Variants in PRR36 observed in about 807,000 individuals in gnomAD.
The protein encoded by PRR36 is proline rich 36, also known as proline-rich protein 36.
Under a neutral mutation model 58.6 loss-of-function variants are expected in PRR36, and 30 were observed. The ratio of observed to expected loss-of-function variants is 0.51; its 90% CI spans 0.38 to 0.69. PRR36 has a LOEUF of 0.69. Ranked by LOEUF, PRR36 falls within the 30% of genes least tolerant of loss-of-function variation. The pLI is 0.00. For synonymous variants in PRR36, 771 were observed against 829.3 expected, an observed-to-expected ratio of 0.93 and a Z score of 1.21; for missense variants, 1,692 against 1,805.6, an observed-to-expected ratio of 0.94 and a Z score of 1.14.
In PRR36 at chr19:7,870,737, AAAG is replaced by A; in HGVS notation, c.2504_2506del (p.Pro835del). 8.8e-7 allele frequency: 1 copy of A among 1,134,386 alleles called. No individual in the cohort carries two copies. The highest frequency in any genetic ancestry group is 2.4e-4 in the Middle Eastern group (1 of 4,224). 70.3% of individuals were successfully genotyped at this position (1,134,386 alleles called of 1,614,324 possible). ...TGGGGCCTGTGGAGGGGGCGTGGCC[AAAG>A]GAGACAGAGGGGGAGAGGGCAGGCC... On this transcript the variant is annotated inframe_deletion, in exon 5 of 6. Coordinates refer to ENST00000618550, the MANE Select transcript of PRR36 (RefSeq NM_001190467.2).
Position 7,873,692 on chromosome 19 carries a change from T to A in PRR36, c.-3A>T, listed in dbSNP as rs920268827. 2 of 1,534,688 alleles carry A rather than the reference T, an allele frequency of 1.3e-6. No homozygotes were observed. The highest frequency in any genetic ancestry group is 1.4e-5 in the African/African-American group (1 of 72,978). On this transcript the variant is annotated 5_prime_UTR_variant, in exon 2 of 6. Coordinates refer to ENST00000618550, the MANE Select transcript of PRR36 (RefSeq NM_001190467.2). This position sits in a 1 kb window ranked among gnomAD's most constrained non-coding sequence, Gnocchi z 5.0. The stretch of plus-strand genomic sequence containing the variant: ...GCCTTGTCTCTCTTGTTGTCCATCT[T>A]GCACCTGAAGAGACAAACCGGTCCG...
In PRR36 at chr19:7,870,364, TGG is replaced by T; in HGVS notation, c.2878_2879del (p.Pro960ThrfsTer45). The T allele has an allele frequency of 3.2e-6, 1 of 307,724 alleles. No homozygotes were observed. Among genetic ancestry groups the T allele is most frequent in the East Asian group, 9.4e-5 (1 of 10,684 alleles). 19.1% of individuals were successfully genotyped at this position (307,724 alleles called of 1,614,324 possible). A position where few individuals can be genotyped will look rare whatever the true frequency, so the allele number is the denominator to read the frequency against. Reference sequence around the variant, plus strand: ...TTGGGGGAGAGGCAGGGGGAGAGGGTGGGACCTGCAGAGGAGGCGCAGCGAGA... The same window carrying T: ...TTGGGGGAGAGGCAGGGGGAGAGGGTGACCTGCAGAGGAGGCGCAGCGAGA... ...PPLAAPPLQV[P>X]PSPPASPPMS... is the part of the protein sequence containing the mutation. On this transcript the variant is annotated frameshift_variant, in exon 5 of 6. Transcript: ENST00000618550. LOFTEE classifies it high-confidence loss of function.
chr19:7,869,350 C>A lies in PRR36; in HGVS notation c.3724G>T (p.Ala1242Ser). Residue 1242 changes from alanine to serine, a missense_variant, in exon 6 of 6, where the codon GCG becomes TCG. Around this residue, in one of 5 missense-constraint regions of PRR36, gnomAD observed 485 missense variants for 549.2 expected, o/e 0.88. Transcript: ENST00000618550. ...CCCAGTGGCAGCTCGCCCAGGCGCG[C>A]CTGCTTCGGGCTCCGCGAGGACGCC... is the stretch of plus-strand genomic sequence containing the variant. ...AGASSRSPKQ[A>S]RLGELPLGAL... is the part of the protein sequence containing the mutation. 1 of 1,429,550 alleles carries A rather than the reference C, an allele frequency of 7.0e-7. No individual in the cohort carries two copies. The highest frequency in any genetic ancestry group is 1.5e-5 in the African/African-American group (1 of 66,574). The allele number at this position is 1,429,550 out of a possible 1,614,324, so 88.6% of individuals were successfully genotyped here.
At position 7,869,418 on chromosome 19, in the gene PRR36, G is replaced by A. The variant is rs910727084; in HGVS notation, c.3656C>T (p.Pro1219Leu). 25 of 1,496,986 alleles carry A rather than the reference G, an allele frequency of 1.7e-5. No individual in the cohort carries two copies. In the Middle Eastern group the frequency reaches 6.4e-4, roughly 38 times the overall value. 92.7% of individuals were successfully genotyped at this position (1,496,986 alleles called of 1,614,324 possible). A position where few individuals can be genotyped will look rare whatever the true frequency, so the allele number is the denominator to read the frequency against. Residue 1219 changes from proline to leucine, a missense_variant, in exon 6 of 6, where the codon CCC becomes CTC. Pro to Leu is a moderately conservative substitution (Grantham distance 98). Around this residue, in one of 5 missense-constraint regions of PRR36, gnomAD observed 485 missense variants for 549.2 expected, o/e 0.88. Coordinates refer to ENST00000618550, the MANE Select transcript of PRR36 (RefSeq NM_001190467.2). ...CGCCGCCTTCCCACCGCTCGTGCCGGGACTGGGCCCCGGATCCAGTGCGCC... is the reference window on the plus strand; with the variant it reads ...CGCCGCCTTCCCACCGCTCGTGCCGAGACTGGGCCCCGGATCCAGTGCGCC... ...APGALDPGPS[P>L]GTSGGKAAAG...
chr19:7,871,445 T>G lies in PRR36; in HGVS notation c.1799A>C (p.Gln600Pro). ...CAAAGCCAGAGGAGAGGGAGGTGCC[T>G]GCAGAGACGGTGAGGTCAGAGAATG... is the stretch of plus-strand genomic sequence containing the variant. ...VPHSLTSPSL[Q>P]APPSPLALSS... The change falls in exon 5 of 6, where the codon CAG becomes CCG. Residue 600 changes from glutamine to proline, a missense_variant. Gln to Pro is a moderately conservative substitution (Grantham distance 76). Transcript: ENST00000618550. 6.5e-7 allele frequency: 1 copy of G among 1,533,588 alleles called. No individual in the cohort carries two copies. The highest frequency in any genetic ancestry group is 8.7e-7 in the Non-Finnish European group (1 of 1,146,456). The allele number at this position is 1,533,588 out of a possible 1,614,324, so 95.0% of individuals were successfully genotyped here.
chr19:7,873,749 C>T lies in PRR36; in HGVS notation c.-7-53G>A. 6.7e-7 allele frequency: 1 copy of T among 1,494,336 alleles called. No homozygotes were observed. The highest frequency in any genetic ancestry group is 1.2e-5 in the South Asian group (1 of 80,120). The allele number at this position is 1,494,336 out of a possible 1,614,324, so 92.6% of individuals were successfully genotyped here. A position where few individuals can be genotyped will look rare whatever the true frequency, so the allele number is the denominator to read the frequency against. On this transcript the variant is annotated intron_variant, in intron 1 of 5. Transcript: ENST00000618550. This position sits in a 1 kb window ranked among gnomAD's most constrained non-coding sequence, Gnocchi z 5.0. The stretch of plus-strand genomic sequence containing the variant: ...AGGTTCTGGACAGCTACGCCGCCTC[C>T]AGAGACCTGGACCCTGCTACCTCAC...
At position 7,873,820 on chromosome 19, in the gene PRR36, TCGG is replaced by T; in HGVS notation, c.-7-127_-7-125del. On this transcript the variant is annotated intron_variant, in intron 1 of 5. Transcript: ENST00000618550. This position sits in a 1 kb window ranked among gnomAD's most constrained non-coding sequence, Gnocchi z 5.0. Reference sequence around the variant, plus strand: ...ACCCATGGACACTCAAACCTCGGCCTCGGCTTCCATCCGCTCGGCTCCCACGCA... The same window carrying T: ...ACCCATGGACACTCAAACCTCGGCCTCTTCCATCCGCTCGGCTCCCACGCA... 4.2e-6 allele frequency: 4 copies of T among 957,918 alleles called. No individual in the cohort carries two copies. The highest frequency in any genetic ancestry group is 6.0e-6 in the Non-Finnish European group (4 of 662,756). 59.3% of individuals were successfully genotyped at this position (957,918 alleles called of 1,614,324 possible). A position where few individuals can be genotyped will look rare whatever the true frequency, so the allele number is the denominator to read the frequency against.
rs1980528244 is a variant in PRR36 at position 7,872,813 on chromosome 19, C to T, written c.487+36G>A. The stretch of plus-strand genomic sequence containing the variant: ...GATACCTCTGAGGCGGCTCCCCTTG[C>T]TGCCCAGGAACCCCACTCTTCTCCA... On this transcript the variant is annotated intron_variant, in intron 4 of 5. Transcript: ENST00000618550. The surrounding 1 kb of genome is among the most constrained non-coding windows in gnomAD (Gnocchi z 6.1). The T allele has an allele frequency of 1.3e-6, 2 of 1,530,314 alleles. No individual in the cohort carries two copies. Among genetic ancestry groups the T allele is most frequent in the East Asian group, 4.9e-5 (2 of 40,818 alleles). 94.8% of individuals were successfully genotyped at this position (1,530,314 alleles called of 1,614,324 possible).
chr19:7,871,284 G>T lies in PRR36; in HGVS notation c.1960C>A (p.Pro654Thr), dbSNP rs1454162540. Reference protein sequence around the residue: ...SRPASTPPDSPPLQAPLSLPA... With the variant: ...SRPASTPPDSTPLQAPLSLPA... ...AGGGAAAGAGGGGCCTGCAGAGGGG[G>T]TGAATCAGGGGGAGTAGAGGCCGGC... is the stretch of plus-strand genomic sequence containing the variant. The change falls in exon 5 of 6, where the codon CCC becomes ACC. Residue 654 changes from proline (P) to threonine (T), a missense_variant. Physicochemically the swap from Pro to Thr is conservative, Grantham distance 38. Transcript: ENST00000618550. 3.3e-6 allele frequency: 5 copies of T among 1,532,308 alleles called. No individual in the cohort carries two copies. The highest frequency in any genetic ancestry group is 4.4e-6 in the Non-Finnish European group (5 of 1,145,688). 94.9% of individuals were successfully genotyped at this position (1,532,308 alleles called of 1,614,324 possible).
Position 7,870,622 on chromosome 19 carries a change from G to T in PRR36, c.2622C>A (p.Ala874=). The T allele has an allele frequency of 7.4e-7, 1 of 1,353,272 alleles. No homozygotes were observed. The allele number at this position is 1,353,272 out of a possible 1,614,324, so 83.8% of individuals were successfully genotyped here. A position where few individuals can be genotyped will look rare whatever the true frequency, so the allele number is the denominator to read the frequency against. The change falls in exon 5 of 6, where the codon GCC becomes GCA. Residue 874 remains alanine (A), a synonymous_variant. Coordinates refer to ENST00000618550, the MANE Select transcript of PRR36 (RefSeq NM_001190467.2). ...GAAGGTGCACTGCCAGAGCATTTGG[G>T]GCCTGTGGAGAGGGTGTGGCCAAAG... The part of the protein sequence containing the change: ...LSPLATPSPQ[A]PNALAVHLLQ...
At position 7,869,926 on chromosome 19, in the gene PRR36, G is replaced by GGGC. The variant is rs1568250850; in HGVS notation, c.3315_3317dup (p.Pro1106dup). The GGGC allele has an allele frequency of 2.2e-6, 3 of 1,367,032 alleles. No individual in the cohort carries two copies. The highest frequency in any genetic ancestry group is 3.1e-5 in the East Asian group (1 of 32,718). 84.7% of individuals were successfully genotyped at this position (1,367,032 alleles called of 1,614,324 possible). On this transcript the variant is annotated inframe_insertion, in exon 5 of 6. Transcript: ENST00000618550. ...TCAGCGTGCTGGACGGGCTGCGCGA[G>GGGC]GGCGGCGGCGGCGGGCCGGGGGCCA...
In PRR36 at chr19:7,871,140, G is replaced by C; in HGVS notation, c.2104C>G (p.Pro702Ala). Residue 702 changes from proline to alanine, a missense_variant, in exon 5 of 6, where the codon CCT becomes GCT. This residue lies in a region of PRR36 where 975 missense variants were observed against 955.2 expected (regional missense o/e 1.02). Transcript: ENST00000618550. Reference sequence around the variant, plus strand: ...GGGGGCATGATCAGGGAAGAGAGAGGTGCCTGAGGAGAGTGGGAGGCCAGA... The same window carrying C: ...GGGGGCATGATCAGGGAAGAGAGAGCTGCCTGAGGAGAGTGGGAGGCCAGA... ...SSLASHSPQA[P>A]LSSLIMPPLE... The C allele has an allele frequency of 6.5e-7, 1 of 1,535,628 alleles. No homozygotes were observed. The highest frequency in any genetic ancestry group is 8.7e-7 in the Non-Finnish European group (1 of 1,146,726).
chr19:7,869,092 C>G lies in PRR36; in HGVS notation c.3982G>C (p.Asp1328His). The G allele has an allele frequency of 2.6e-6, 4 of 1,534,848 alleles. No homozygotes were observed. Among genetic ancestry groups the G allele is most frequent in the Non-Finnish European group, 3.5e-6 (4 of 1,146,476 alleles). The part of the protein sequence containing the change: ...SITSVTSFSP[D>H]DVASPQGDWT... ...TCACCCTGCGGGGAGGCCACGTCGT[C>G]CGGAGAGAAGCTGGTGACCGAGGTG... The change falls in exon 6 of 6, where the codon GAC becomes CAC. Residue 1328 changes from aspartate to histidine, a missense_variant. Asp to His is a moderately conservative substitution (Grantham distance 81, BLOSUM62 -1). This residue lies in a region of PRR36 where 485 missense variants were observed against 549.2 expected (regional missense o/e 0.88). Coordinates refer to ENST00000618550, the MANE Select transcript of PRR36 (RefSeq NM_001190467.2).
At position 7,872,283 on chromosome 19, in the gene PRR36, C is replaced by T; in HGVS notation, c.961G>A (p.Asp321Asn). 1 of 1,455,494 alleles carries T rather than the reference C, an allele frequency of 6.9e-7. No individual in the cohort carries two copies. The highest frequency in any genetic ancestry group is 9.0e-7 in the Non-Finnish European group (1 of 1,110,394). 90.2% of individuals were successfully genotyped at this position (1,455,494 alleles called of 1,614,324 possible). A position where few individuals can be genotyped will look rare whatever the true frequency, so the allele number is the denominator to read the frequency against. Residue 321 changes from aspartate (D) to asparagine (N), a missense_variant, in exon 5 of 6, where the codon GAC becomes AAC. Asp to Asn is a conservative substitution (Grantham distance 23). This residue lies in a region of PRR36 where 975 missense variants were observed against 955.2 expected (regional missense o/e 1.02). Transcript: ENST00000618550. The surrounding 1 kb of genome is among the most constrained non-coding windows in gnomAD (Gnocchi z 6.1). The part of the protein sequence containing the change: ...GTKARPVPPP[D>N]NAATPLPATL... ...GCTGGCAGGGGAGTGGCTGCATTGT[C>T]GGGAGGCGGTACGGGTCTTGCCTTG... is the stretch of plus-strand genomic sequence containing the variant.
chr19:7,870,141 A>T lies in PRR36; in HGVS notation c.3103T>A (p.Phe1035Ile), dbSNP rs1251349659. The stretch of plus-strand genomic sequence containing the variant: ...ATTGGGAGTGAGGCAGAGGGTGAGA[A>T]AGGGGCCTGCCCAGGGAATGAGGCA... ...PPASFPGQAP[F>I]SPSASLPMSP... The change falls in exon 5 of 6, where the codon TTC becomes ATC. Residue 1035 changes from phenylalanine to isoleucine, a missense_variant. Coordinates refer to ENST00000618550, the MANE Select transcript of PRR36 (RefSeq NM_001190467.2). 2 of 1,378,862 alleles carry T rather than the reference A, an allele frequency of 1.5e-6. No individual in the cohort carries two copies. Among genetic ancestry groups the T allele is most frequent in the African/African-American group, 3.5e-5 (2 of 57,400 alleles). 85.4% of individuals were successfully genotyped at this position (1,378,862 alleles called of 1,614,324 possible). A position where few individuals can be genotyped will look rare whatever the true frequency, so the allele number is the denominator to read the frequency against.
At position 7,870,766 on chromosome 19, in the gene PRR36, C is replaced by T. The variant is rs1032871780; in HGVS notation, c.2478G>A (p.Gln826=). ...GAGACAGAGGGGGAGAGGGCAGGCC[C>T]TGCAAAGGGGGTGAGGCCAGAGCAG... The part of the protein sequence containing the change: ...APPALASPPL[Q]GLPSPPLSPL... The change falls in exon 5 of 6, where the codon CAG becomes CAA. Residue 826 remains glutamine (Q), a synonymous_variant. Coordinates refer to ENST00000618550, the MANE Select transcript of PRR36 (RefSeq NM_001190467.2). The T allele has an allele frequency of 2.9e-6, 4 of 1,394,960 alleles. No individual in the cohort carries two copies. In the African/African-American group the frequency reaches 6.3e-5, roughly 22 times the overall value. 86.4% of individuals were successfully genotyped at this position (1,394,960 alleles called of 1,614,324 possible).
Position 7,873,826 on chromosome 19 carries a change from TCCA to T in PRR36, c.-7-133_-7-131del. The T allele has an allele frequency of 1.1e-6, 1 of 916,950 alleles. No homozygotes were observed. Among genetic ancestry groups the T allele is most frequent in the East Asian group, 2.7e-5 (1 of 37,236 alleles). 56.8% of individuals were successfully genotyped at this position (916,950 alleles called of 1,614,324 possible). ...GGACACTCAAACCTCGGCCTCGGCT[TCCA>T]TCCGCTCGGCTCCCACGCACCTACA... On this transcript the variant is annotated intron_variant, in intron 1 of 5. Transcript: ENST00000618550. This position sits in a 1 kb window ranked among gnomAD's most constrained non-coding sequence, Gnocchi z 5.0.
rs1491162457 is a variant in PRR36 at position 7,870,746 on chromosome 19, A to AG, written c.2497dup (p.Leu833ProfsTer173). On this transcript the variant is annotated frameshift_variant, in exon 5 of 6. Coordinates refer to ENST00000618550, the MANE Select transcript of PRR36 (RefSeq NM_001190467.2). LOFTEE classifies it high-confidence loss of function. ...TGGAGGGGGCGTGGCCAAAGGAGACAGAGGGGGAGAGGGCAGGCCCTGCAA... is the reference window on the plus strand; with the variant it reads ...TGGAGGGGGCGTGGCCAAAGGAGACAGGAGGGGGAGAGGGCAGGCCCTGCAA... 22 of 1,014,786 alleles carry AG rather than the reference A, an allele frequency of 2.2e-5. No individual in the cohort carries two copies. Among genetic ancestry groups the AG allele is most frequent in the East Asian group, 8.3e-5 (1 of 12,042 alleles). 62.9% of individuals were successfully genotyped at this position (1,014,786 alleles called of 1,614,324 possible). A position where few individuals can be genotyped will look rare whatever the true frequency, so the allele number is the denominator to read the frequency against.
Position 7,870,570 on chromosome 19 carries a change from A to G in PRR36, c.2674T>C (p.Ser892Pro), listed in dbSNP as rs1318300323. 16 of 577,876 alleles carry G rather than the reference A, an allele frequency of 2.8e-5. No homozygotes were observed. The African/African-American group carries it at 5.4e-4, about 19-fold the overall frequency. The allele number at this position is 577,876 out of a possible 1,614,324, so 35.8% of individuals were successfully genotyped here. ...LLQAPFSPPP[S>P]PPVQAPFSPP... ...GAGAAAGGGGCCTGCACTGGGGGTG[A>G]GGGAGGGGGAGAGAAAGGGGCCTGC... is the stretch of plus-strand genomic sequence containing the variant. Residue 892 changes from serine (S) to proline (P), a missense_variant, in exon 5 of 6, where the codon TCA becomes CCA. Transcript: ENST00000618550.
Sources: gnomAD v4.1 joint callset for allele counts on GRCh38, gnomAD v4.1.1 for gene constraint, gnomAD v4.1.1 regional missense constraint, Gnocchi (gnomAD v3.1) non-coding constraint, MANE v1.5 for transcripts, NCBI Gene and HGNC (gene_info 2026-07-23, HGNC 2026-07-21) for gene names.